The following TRPM3 variants were observed in gnomAD, a reference collection of about 807,000 sequenced individuals.
TRPM3 encodes long transient receptor potential channel 3.
TRPM3 carries 77 observed loss-of-function variants against 181.2 expected under a neutral mutation model. The observed-to-expected ratio is 0.42, with a 90% CI of 0.35 to 0.51. The LOEUF (loss-of-function observed/expected upper bound fraction) is 0.51. Among genes scored for constraint, TRPM3 ranks in the 20% least tolerant of loss-of-function variants. The pLI is 0.01. For missense variants in TRPM3, 1,759 were observed against 2,196.7 expected (o/e 0.80, Z 3.98); for synonymous variants, 745 against 796.4 (o/e 0.94, Z 1.09).
chr9:71,010,926 C>CACAT (rs1206038291), intron 1 of TRPM3, among the ~76,000 whole-genome samples: 2 of 92,396 alleles, frequency 2.2e-5, no homozygotes, highest in African/African-American at 3.3e-5. Flanking sequence ...CACACACACA[C>CACAT]ACACATACAC....
intron 1 of TRPM3, among the ~76,000 whole-genome samples, chr9:71,424,045 A>T (rs1444528744): frequency 6.6e-6 from 1 of 152,144 alleles, no homozygotes; most frequent in East Asian, 1.9e-4. Flanking sequence ...GTTTTTCAAC[A>T]TTCTAGGGTG....
chr9:71,114,098 C>T (rs374117663), intron 1 of TRPM3, among the ~76,000 whole-genome samples: 242 of 151,526 alleles, frequency 1.6e-3, no homozygotes, highest in African/African-American at 5.7e-3. Context: ...TTCTTCCTAC[C>T]TTCCTTATCA....
At chr9:71,180,174 C>A (rs778018558) in intron 1 of TRPM3, among the ~76,000 whole-genome samples, 2 of 150,054 alleles carry the variant, frequency 1.3e-5, no homozygotes, top group South Asian at 2.1e-4. Flanking sequence ...CCTGTCTCAG[C>A]CTCCTGAGTA....
At chr9:70,924,819 T>G (rs1248048936) in intron 1 of TRPM3, among the ~76,000 whole-genome samples, 2 of 152,188 alleles carry the variant, frequency 1.3e-5, no homozygotes, top group African/African-American at 4.8e-5. Context: ...GGTAGAAAGT[T>G]CAGGTGCTAT....
intron 8 of TRPM3, among the ~76,000 whole-genome samples, chr9:70,746,957 A>AT (rs1448209761): frequency 6.6e-6 from 1 of 152,198 alleles, no homozygotes; most frequent in Non-Finnish European, 1.5e-5. Flanking sequence ...CATAAACCAA[A>AT]TTTATGACTC....
intron 1 of TRPM3, among the ~76,000 whole-genome samples, chr9:71,052,964 A>G (rs10114619): frequency 0.044 from 6,720 of 152,104 alleles, 244 homozygotes; most frequent in African/African-American, 0.096. Context: ...ACTATCAAGA[A>G]AATATAATAA....
Position 70,938,320 on chromosome 9 carries a change from C to G in TRPM3, c.178-73809G>C, listed in dbSNP as rs534299679. Among the ~76,000 whole-genome samples the G allele has an allele frequency of 2.6e-5, 4 of 152,294 alleles. No individual in the cohort carries two copies. In the East Asian group the frequency reaches 7.7e-4, roughly 29 times the overall value. On this transcript the variant is annotated intron_variant, in intron 1 of 25. Coordinates refer to ENST00000677713, the MANE Select transcript of TRPM3 (RefSeq NM_001366145.2). ...GTTCCCTGAGTCCTGAGCCTGCTCT[C>G]TTTAAGATCACCAATAAGTCACTGT...
chr9:71,196,602 T>C (rs929465019), intron 1 of TRPM3, among the ~76,000 whole-genome samples: 1 of 152,018 alleles, frequency 6.6e-6, no homozygotes, highest in Non-Finnish European at 1.5e-5. Flanking sequence ...CCTCCATCTC[T>C]GACCCCAAGC....
In TRPM3 at chr9:70,668,437, G is replaced by A. The variant is rs367797538; in HGVS notation, c.1345+13069C>T. 1.1e-3 allele frequency among the ~76,000 whole-genome samples: 172 copies of A among 152,154 alleles called. 2 individuals carry two copies. Among genetic ancestry groups the A allele is most frequent in the African/African-American group, 4.0e-3 (165 of 41,548 alleles). On this transcript the variant is annotated intron_variant, in intron 9 of 25. Transcript: ENST00000677713. ...CCCAGCACTTTGGGAGGCCGAGGCGGGCGGATCACGAGGTCAGGAGATCGA... is the reference window on the plus strand; with the variant it reads ...CCCAGCACTTTGGGAGGCCGAGGCGAGCGGATCACGAGGTCAGGAGATCGA...
At chr9:71,308,775 T>C (rs1565447467) in intron 1 of TRPM3, among the ~76,000 whole-genome samples, 1 of 142,404 alleles carries the variant, frequency 7.0e-6, no homozygotes, top group Non-Finnish European at 1.6e-5. Flanking sequence ...CAGGCCACAG[T>C]TGCTTCTGGC....
At chr9:71,233,971 C>A (rs2081219835) in intron 1 of TRPM3, among the ~76,000 whole-genome samples, 1 of 152,286 alleles carries the variant, frequency 6.6e-6, no homozygotes, top group South Asian at 2.1e-4. Flanking sequence ...ACAAATTGTT[C>A]CCAGACTTAG....
intron 1 of TRPM3, among the ~76,000 whole-genome samples, chr9:71,208,032 CAG>C (rs2079233382): frequency 6.6e-6 from 1 of 152,116 alleles, no homozygotes; most frequent in Non-Finnish European, 1.5e-5. Flanking sequence ...AAGGAGCTGA[CAG>C]AGTAGGGCCG....
intron 1 of TRPM3, among the ~76,000 whole-genome samples, chr9:71,420,699 AAGAGAG>A (rs72457284): frequency 2.9e-5 from 3 of 103,594 alleles, no homozygotes; most frequent in East Asian, 5.2e-4. Flanking sequence ...GGGAAAGAGA[AAGAGAG>A]AGAAAGAAAG....
At chr9:70,911,384 T>G (rs1490627243) in intron 1 of TRPM3, among the ~76,000 whole-genome samples, 1 of 152,226 alleles carries the variant, frequency 6.6e-6, no homozygotes, top group African/African-American at 2.4e-5. Flanking sequence ...TCATTTATCT[T>G]ATTCTATACT....
chr9:70,901,193 A>G (rs1288803089), intron 1 of TRPM3, among the ~76,000 whole-genome samples: 2 of 152,250 alleles, frequency 1.3e-5, no homozygotes, highest in Non-Finnish European at 2.9e-5. Context: ...TGACCTACAC[A>G]GTTGTTATTG....
intron 22 of TRPM3, among the ~76,000 whole-genome samples, chr9:70,573,304 CA>C (rs1467097829): frequency 1.3e-5 from 2 of 152,110 alleles, no homozygotes; most frequent in Admixed American, 1.3e-4. Flanking sequence ...CCAAAGCAAA[CA>C]AAATACCATC....
intron 1 of TRPM3, among the ~76,000 whole-genome samples, chr9:70,950,100 T>C (rs138512867): frequency 0.01 from 1,549 of 152,346 alleles, 26 homozygotes; most frequent in African/African-American, 0.035. Context: ...ACAGTCATGA[T>C]ATTTCTTTCA....
intron 8 of TRPM3, among the ~76,000 whole-genome samples, chr9:70,682,958 CTG>C (rs752717954): frequency 1.8e-4 from 28 of 152,152 alleles, no homozygotes; most frequent in Admixed American, 1.8e-3. Context: ...GAACCACAGA[CTG>C]TTAATTAGTT....
chr9:71,271,743 T>C (rs568757642), intron 1 of TRPM3, among the ~76,000 whole-genome samples: 4 of 152,208 alleles, frequency 2.6e-5, no homozygotes, highest in Admixed American at 1.3e-4. Context: ...GAGGTGACAC[T>C]ATCATCCTCA....
Sources: gnomAD v4.1 joint callset for allele counts (sites outside exome capture counted in the v4.1 genomes callset) on GRCh38, gnomAD v4.1.1 for gene constraint, MANE v1.5 for transcripts, NCBI Gene and HGNC (gene_info 2026-07-23, HGNC 2026-07-21) for gene names.